The following GRM1 variants were observed in gnomAD, a reference collection of about 807,000 sequenced individuals.
GRM1 encodes glutamate metabotropic receptor 1, also known as metabotropic glutamate receptor 1.
In GRM1, 33 loss-of-function variants were observed where a neutral mutation model predicts 90.9. The observed-to-expected ratio is 0.36, with a 90% CI of 0.28 to 0.49. GRM1 has a LOEUF of 0.49. Ranked by LOEUF, GRM1 falls within the 20% of genes least tolerant of loss-of-function variation. The probability of loss-of-function intolerance (pLI) is 0.99; values close to 1 mark genes in which losing one functional copy is unlikely to be tolerated. For missense variants in GRM1, 1,190 were observed against 1,534.3 expected (o/e 0.78, Z 3.75); for synonymous variants, 700 against 613.2 (o/e 1.14, Z -2.09).
At chr6:146,301,812 C>G (rs1783394491) in intron 2 of GRM1, among the ~76,000 whole-genome samples, 1 of 151,998 alleles carries the variant, frequency 6.6e-6, no homozygotes, top group South Asian at 2.1e-4. Context: ...CCGGTTTGAG[C>G]CTTTCTGAGC....
At chr6:146,273,836 A>T (rs151183348) in intron 2 of GRM1, among the ~76,000 whole-genome samples, 1 of 152,350 alleles carries the variant, frequency 6.6e-6, no homozygotes, top group African/African-American at 2.4e-5. Context: ...TAGTTACATG[A>T]AAAGGCAATT....
intron 1 of GRM1, among the ~76,000 whole-genome samples, chr6:146,056,430 A>G (rs937757962): frequency 1.3e-5 from 2 of 152,146 alleles, no homozygotes; most frequent in Admixed American, 6.6e-5. Context: ...GCAACTAATT[A>G]ATTTTTTGAA....
At chr6:146,283,867 C>T (rs1029435848) in intron 2 of GRM1, among the ~76,000 whole-genome samples, 26 of 152,150 alleles carry the variant, frequency 1.7e-4, no homozygotes, top group Non-Finnish European at 3.4e-4. Flanking sequence ...TATCTCTGGC[C>T]TACTACTCAT....
At chr6:146,234,118 T>G (rs538535297) in intron 2 of GRM1, among the ~76,000 whole-genome samples, 1 of 152,206 alleles carries the variant, frequency 6.6e-6, no homozygotes, top group African/African-American at 2.4e-5. Context: ...CTTGATTTCT[T>G]TTTATGGCTG....
intron 5 of GRM1, among the ~76,000 whole-genome samples, chr6:146,375,207 C>G (rs1776050598): frequency 6.6e-6 from 1 of 151,918 alleles, no homozygotes; most frequent in South Asian, 2.1e-4. Flanking sequence ...TTATTCATTT[C>G]TACTTTTATT....
rs77387311 is a variant in GRM1 at position 146,365,816 on chromosome 6, T to C, written c.1602+8122T>C. The stretch of plus-strand genomic sequence containing the variant: ...ACCCCGTATTTCAGGTGTCTTCCTA[T>C]CAGGACGAGGACCAGAGTGAGGCAG... On this transcript the variant is annotated intron_variant, in intron 5 of 7. Transcript: ENST00000282753. Among the ~76,000 whole-genome samples the C allele has an allele frequency of 1.3e-4, 20 of 152,240 alleles. No individual in the cohort carries two copies. In the East Asian group the frequency reaches 3.7e-3, roughly 28 times the overall value.
intron 2 of GRM1, among the ~76,000 whole-genome samples, chr6:146,208,885 A>AC (rs1779582578): frequency 6.6e-6 from 1 of 152,082 alleles, no homozygotes; most frequent in Non-Finnish European, 1.5e-5. Context: ...TTCTTTAAAA[A>AC]CCCAAGATGA....
chr6:146,420,715 C>G (rs139645346), intron 7 of GRM1, among the ~76,000 whole-genome samples: 1 of 152,270 alleles, frequency 6.6e-6, no homozygotes, highest in African/African-American at 2.4e-5. Flanking sequence ...AAAACCAAGT[C>G]AGTATTCTTA....
chr6:146,132,748 A>C (rs1776458075), intron 1 of GRM1, among the ~76,000 whole-genome samples: 1 of 152,198 alleles, frequency 6.6e-6, no homozygotes, highest in Non-Finnish European at 1.5e-5. Flanking sequence ...AGTCTGTCTT[A>C]TTCTTAACTG....
chr6:146,434,289 G>A lies in GRM1; in HGVS notation c.3078G>A (p.Gln1026=), dbSNP rs1294934624. 4 of 1,603,224 alleles carry A rather than the reference G, an allele frequency of 2.5e-6. No homozygotes were observed. Among genetic ancestry groups the A allele is most frequent in the Middle Eastern group, 1.7e-4 (1 of 6,008 alleles). ...AGCAGCAGCAGCAACCCCCTCCACA[G>A]CAGAAATCGCTGATGGACCAGCTCC... ...PLQQQQQPPP[Q]QKSLMDQLQG... Residue 1026 remains glutamine, a synonymous_variant, in exon 8 of 8, where the codon CAG becomes CAA. Coordinates refer to ENST00000282753, the MANE Select transcript of GRM1 (RefSeq NM_001278064.2).
At chr6:146,433,844 A>C (rs769689856) in intron 7 of GRM1, 28 bp from the exon 8 acceptor site, 1 of 1,486,152 alleles carries the variant, frequency 6.7e-7, no homozygotes, top group Non-Finnish European at 9.4e-7. Flanking sequence ...TCTATCTGCA[A>C]ATAAATCCAT....
At chr6:146,237,158 A>G (rs1381383721) in intron 2 of GRM1, among the ~76,000 whole-genome samples, 1 of 151,950 alleles carries the variant, frequency 6.6e-6, no homozygotes, top group Non-Finnish European at 1.5e-5. Context: ...AGATTCAAGA[A>G]CCATTGTGAT....
intron 2 of GRM1, among the ~76,000 whole-genome samples, chr6:146,205,391 T>C (rs193004227): frequency 6.6e-6 from 1 of 152,262 alleles, no homozygotes; most frequent in East Asian, 1.9e-4. Flanking sequence ...TGAGGACTGA[T>C]TTAACTCAGC....
At chr6:146,064,634 T>TA in intron 1 of GRM1, among the ~76,000 whole-genome samples, 2 of 151,376 alleles carry the variant, frequency 1.3e-5, no homozygotes, top group South Asian at 4.2e-4. Context: ...GAAATCAAAA[T>TA]AAAAAACAAG....
chr6:146,294,165 T>C (rs943640951), intron 2 of GRM1, among the ~76,000 whole-genome samples: 4 of 151,838 alleles, frequency 2.6e-5, no homozygotes, highest in African/African-American at 9.7e-5. Flanking sequence ...AAGTTGAAAA[T>C]AAGCTCATTT....
At chr6:146,406,791 A>G (rs187405754) in intron 7 of GRM1, among the ~76,000 whole-genome samples, 3 of 152,230 alleles carry the variant, frequency 2.0e-5, no homozygotes, top group Non-Finnish European at 4.4e-5. Context: ...CCAAGATCAC[A>G]CCACTGCACT....
intron 2 of GRM1, among the ~76,000 whole-genome samples, chr6:146,210,313 T>C (rs1193377871): frequency 1.3e-5 from 2 of 152,216 alleles, no homozygotes; most frequent in Non-Finnish European, 1.5e-5. Context: ...GGGATAATAA[T>C]AACCCAAATC....
intron 2 of GRM1, among the ~76,000 whole-genome samples, chr6:146,249,688 A>G (rs1011568348): frequency 6.6e-6 from 1 of 152,180 alleles, no homozygotes; most frequent in Non-Finnish European, 1.5e-5. Flanking sequence ...GAGCCCCCAT[A>G]CAGAGTTCCC....
At chr6:146,163,021 T>C (rs1583095526) in intron 2 of GRM1, among the ~76,000 whole-genome samples, 2 of 152,110 alleles carry the variant, frequency 1.3e-5, no homozygotes, top group Non-Finnish European at 2.9e-5. Flanking sequence ...TAATCTAAGA[T>C]CAGTAGGGAT....
Sources: gnomAD v4.1 joint callset for allele counts (sites outside exome capture counted in the v4.1 genomes callset) on GRCh38, gnomAD v4.1.1 for gene constraint, MANE v1.5 for transcripts, NCBI Gene and HGNC (gene_info 2026-07-23, HGNC 2026-07-21) for gene names.